TRIM51G: variants seen among roughly 807,000 people sequenced by gnomAD.
TRIM51G encodes the protein tripartite motif-containing protein 51G.
At chr11:48,976,406 G>A in the TRIM51G span, among the ~76,000 whole-genome samples, 2 of 152,028 alleles carry the variant, frequency 1.3e-5, no homozygotes, top group Admixed American at 6.6e-5. Context: ...CTCAAGCACT[G>A]CTCTAGATAA....
chr11:48,979,164 T>C, the TRIM51G span: 1 of 660,386 alleles, frequency 1.5e-6, no homozygotes, highest in Non-Finnish European at 2.9e-6. Context: ...TTTCACTGAT[T>C]CCTCTTAGCA....
the TRIM51G span, among the ~76,000 whole-genome samples, chr11:48,982,442 T>C: frequency 3.9e-5 from 6 of 152,114 alleles, no homozygotes; most frequent in Non-Finnish European, 7.4e-5. Flanking sequence ...AGAATTGGTA[T>C]AGCATTATTT....
the TRIM51G span, chr11:48,977,066 C>A: frequency 7.9e-6 from 7 of 888,104 alleles, no homozygotes; most frequent in South Asian, 9.3e-5. Context: ...GGGAATTTTG[C>A]CAATGGGCTG....
chr11:48,975,919 C>A, the TRIM51G span: 1 of 753,780 alleles, frequency 1.3e-6, no homozygotes, highest in Non-Finnish European at 2.4e-6. Context: ...TTGAGGGTCA[C>A]ATCCAACCTT....
chr11:48,979,818 AT>A, the TRIM51G span, among the ~76,000 whole-genome samples: 1 of 148,534 alleles, frequency 6.7e-6, no homozygotes, highest in Non-Finnish European at 1.5e-5. Context: ...TATATATAAT[AT>A]ATATACACTG....
At chr11:48,979,079 T>A in the TRIM51G span, 2 of 822,092 alleles carry the variant, frequency 2.4e-6, no homozygotes, top group Admixed American at 1.7e-5. Flanking sequence ...CTCTGATTGC[T>A]TCTATCCTTA....
chr11:48,977,119 G>C, the TRIM51G span: 3 of 1,272,348 alleles, frequency 2.4e-6, no homozygotes, highest in Non-Finnish European at 1.1e-6. Flanking sequence ...TCAGTCCAAT[G>C]ATGGGCCCTG....
the TRIM51G span, among the ~76,000 whole-genome samples, chr11:48,980,276 C>A: frequency 6.6e-6 from 1 of 151,932 alleles, no homozygotes. Flanking sequence ...AAGAGAAAAT[C>A]ATTTCTAGAA....
At chr11:48,975,749 T>A in the TRIM51G span, 1 of 1,565,968 alleles carries the variant, frequency 6.4e-7, no homozygotes, top group Non-Finnish European at 8.8e-7. Flanking sequence ...CCATCTATCA[T>A]GTCATTCTGT....
chr11:48,982,275 G>A, the TRIM51G span, among the ~76,000 whole-genome samples: 6 of 151,846 alleles, frequency 4.0e-5, no homozygotes, highest in African/African-American at 1.4e-4. Context: ...AAAATATTGG[G>A]TTTTTCTTAT....
At chr11:48,981,090 A>G in the TRIM51G span, 9 of 977,220 alleles carry the variant, frequency 9.2e-6, no homozygotes, top group Non-Finnish European at 1.4e-5. Flanking sequence ...ATGAGAGACA[A>G]ATTAGCCCAC....
chr11:48,979,158 A>G, the TRIM51G span: 1 of 668,418 alleles, frequency 1.5e-6, no homozygotes, highest in African/African-American at 1.8e-5. Flanking sequence ...CTTGAATTTC[A>G]CTGATTCCTC....
At chr11:48,980,794 C>A in the TRIM51G span, 3 of 384,868 alleles carry the variant, frequency 7.8e-6, no homozygotes, top group South Asian at 2.0e-5. Context: ...GTGTTTTTTC[C>A]TTGTTTGTTG....
At chr11:48,979,999 T>C in the TRIM51G span, among the ~76,000 whole-genome samples, 1 of 151,960 alleles carries the variant, frequency 6.6e-6, no homozygotes, top group African/African-American at 2.4e-5. Flanking sequence ...GTCCCTGGAC[T>C]CTGTGCTCCT....
the TRIM51G span, among the ~76,000 whole-genome samples, chr11:48,980,469 T>G: frequency 6.6e-6 from 1 of 152,178 alleles, no homozygotes; most frequent in African/African-American, 2.4e-5. Flanking sequence ...AAGGTTGCAC[T>G]CTTGCTCCTT....
the TRIM51G span, chr11:48,981,440 G>A: frequency 1.2e-6 from 2 of 1,607,636 alleles, no homozygotes; most frequent in South Asian, 1.1e-5. Flanking sequence ...TCAGAGCTAA[G>A]GAATTGCCGG....
At chr11:48,978,374 T>C in the TRIM51G span, among the ~76,000 whole-genome samples, 1 of 152,136 alleles carries the variant, frequency 6.6e-6, no homozygotes, top group Non-Finnish European at 1.5e-5. Context: ...ACATTCTTTT[T>C]ACAAGTGAAG....
At chr11:48,977,581 C>A in the TRIM51G span, among the ~76,000 whole-genome samples, 9 of 152,128 alleles carry the variant, frequency 5.9e-5, no homozygotes, top group African/African-American at 1.7e-4. Flanking sequence ...TTGAAACGTG[C>A]TCCAGGCAGG....
At chr11:48,980,053 C>T in the TRIM51G span, among the ~76,000 whole-genome samples, 3 of 152,044 alleles carry the variant, frequency 2.0e-5, no homozygotes, top group African/African-American at 7.2e-5. Context: ...CACTACTACA[C>T]TCTAACACAT....
Sources: allele counts gnomAD v4.1 joint callset (sites outside exome capture counted in the v4.1 genomes callset), GRCh38; gene constraint gnomAD v4.1.1; transcripts MANE v1.5; gene names NCBI Gene and HGNC (gene_info 2026-07-23, HGNC 2026-07-21).